Variants in SPATA7 observed in about 807,000 individuals in gnomAD.
The protein encoded by SPATA7 is spermatogenesis associated 7.
A neutral mutation model predicts 51.8 loss-of-function variants in SPATA7; 43 were observed. The ratio of observed to expected loss-of-function variants is 0.83; its 90% CI spans 0.65 to 1.07. The LOEUF (loss-of-function observed/expected upper bound fraction) is 1.07. Ranked by LOEUF, SPATA7 falls within the 50% of genes least tolerant of loss-of-function variation. The pLI, the probability that SPATA7 is intolerant of heterozygous loss-of-function variation, is 0.00. For synonymous variants in SPATA7, 230 were observed against 252.8 expected, an observed-to-expected ratio of 0.91 and a Z score of 0.86; for missense variants, 683 against 701.3, an observed-to-expected ratio of 0.97 and a Z score of 0.30.
At chr14:88,438,935 C>G (rs117637976), downstream of SPATA7, among the ~76,000 whole-genome samples, 36 of 152,244 alleles carry the variant, frequency 2.4e-4, no homozygotes, top group East Asian at 6.8e-3. Context: ...TTACCGTGTT[C>G]TTTTGGGTAG....
chr14:88,411,791 A>G (rs1041646172), intron 4 of SPATA7, among the ~76,000 whole-genome samples: 4 of 151,984 alleles, frequency 2.6e-5, no homozygotes, highest in South Asian at 2.1e-4. Flanking sequence ...TATCTTTGCT[A>G]TTGTGGATAG....
At chr14:88,432,718 CTT>C (rs1435755770) in intron 9 of SPATA7, 1 of 155,390 alleles carries the variant, frequency 6.4e-6, no homozygotes, top group African/African-American at 2.4e-5. Context: ...CCTCTTCCTT[CTT>C]GCAAATGCTT....
intron 1 of SPATA7, among the ~76,000 whole-genome samples, chr14:88,386,672 C>T (rs1248334211): frequency 6.6e-6 from 1 of 152,158 alleles, no homozygotes; most frequent in Admixed American, 6.5e-5. Context: ...CATTTTCACA[C>T]TTTCTGAGCC....
Position 88,385,720 on chromosome 14 carries a change from T to G in SPATA7, c.-99T>G. The G allele has an allele frequency of 8.3e-7, 1 of 1,205,880 alleles. No individual in the cohort carries two copies. The allele number at this position is 1,205,880 out of a possible 1,614,324, so 74.7% of individuals were successfully genotyped here. On this transcript the variant is annotated 5_prime_UTR_variant, in exon 1 of 12. Coordinates refer to ENST00000393545, the MANE Select transcript of SPATA7 (RefSeq NM_018418.5). ...CCCTGCTGCTGCAGCCCCCGTCGGC[T>G]CCTCTTTTCCAGTCCTCCACTGCCG...
chr14:88,422,726 T>G (rs1330580370), intron 5 of SPATA7, among the ~76,000 whole-genome samples: 1 of 151,658 alleles, frequency 6.6e-6, no homozygotes, highest in Non-Finnish European at 1.5e-5. Flanking sequence ...GTTAATTTAT[T>G]ATTTTATCTG....
rs192535638 is a variant in SPATA7, at chr14:88,425,875, T to C, written c.373-357T>C. On this transcript the variant is annotated intron_variant, in intron 5 of 11. Transcript: ENST00000393545. The stretch of plus-strand genomic sequence containing the variant: ...AGGACAGTGAGGATGATGTCACTAA[T>C]AGTGGTTGAGAAGGGCATTGGTGCT... 2.3e-3 allele frequency among the ~76,000 whole-genome samples: 345 copies of C among 152,268 alleles called. 5 individuals carry two copies. The highest frequency in any genetic ancestry group is 9.7e-4 in the Non-Finnish European group (66 of 68,000).
chr14:88,433,334 C>T (rs983460714), intron 10 of SPATA7, 122 bp downstream of exon 10: 22 of 694,520 alleles, frequency 3.2e-5, no homozygotes, highest in Admixed American at 3.0e-4. Context: ...AAATATATTG[C>T]TTTCTTGGAA....
chr14:88,437,479 G>A, intron 10 of SPATA7, 64 bp from the exon 11 acceptor site: 1 of 1,146,134 alleles, frequency 8.7e-7, no homozygotes, highest in South Asian at 1.3e-5. Context: ...GTGTTACGTA[G>A]CTAGTTTATA....
chr14:88,417,600 G>C (rs190271877), intron 5 of SPATA7, among the ~76,000 whole-genome samples: 3 of 152,248 alleles, frequency 2.0e-5, no homozygotes, highest in Non-Finnish European at 4.4e-5. Context: ...GAGCCACTAT[G>C]CTGAGCCTCT....
intron 2 of SPATA7, among the ~76,000 whole-genome samples, chr14:88,392,579 A>G (rs2075772866): frequency 6.6e-6 from 1 of 152,136 alleles, no homozygotes; most frequent in South Asian, 2.1e-4. Context: ...TTATGCACAG[A>G]GTCTCTGGAA....
At chr14:88,444,506 A>G (rs1455778643) in intron 3 of SPATA7, among the ~76,000 whole-genome samples, 8 of 151,152 alleles carry the variant, frequency 5.3e-5, no homozygotes, top group African/African-American at 2.0e-4. Context: ...CCATTTGTCA[A>G]TTTTGGCTTT....
intron 3 of SPATA7, among the ~76,000 whole-genome samples, chr14:88,446,239 C>A (rs2077211462): frequency 6.6e-6 from 1 of 152,108 alleles, no homozygotes; most frequent in Non-Finnish European, 1.5e-5. Context: ...GGAATTTATC[C>A]ATTTCTTCTA....
At position 88,401,389 on chromosome 14, in the gene SPATA7, A is replaced by G. The variant is rs141919094; in HGVS notation, c.238+5186A>G. On this transcript the variant is annotated intron_variant, in intron 4 of 11. Coordinates refer to ENST00000393545, the MANE Select transcript of SPATA7 (RefSeq NM_018418.5). ...TATATATGAAAATCTCACAGGTAAC[A>G]TGATGCTTAATGAAGAAAAACAAAG... is the stretch of plus-strand genomic sequence containing the variant. 3.6e-3 allele frequency among the ~76,000 whole-genome samples: 552 copies of G among 152,370 alleles called. 2 individuals carry two copies. The highest frequency in any genetic ancestry group is 6.1e-3 in the Non-Finnish European group (412 of 68,036).
intron 3 of SPATA7, among the ~76,000 whole-genome samples, chr14:88,451,654 A>G (rs2077252415): frequency 6.6e-6 from 1 of 150,884 alleles, no homozygotes; most frequent in African/African-American, 2.4e-5. Flanking sequence ...CCTCCCCAGT[A>G]GCTGGGATTA....
chr14:88,389,328 T>G (rs1205213265), intron 1 of SPATA7, among the ~76,000 whole-genome samples: 1 of 151,950 alleles, frequency 6.6e-6, no homozygotes, highest in Non-Finnish European at 1.5e-5. Flanking sequence ...CTCAGCCTCC[T>G]GTGTAGCTGG....
chr14:88,459,605 A>T (rs60979266), downstream of SPATA7, among the ~76,000 whole-genome samples: 5,766 of 151,926 alleles, frequency 0.038, 354 homozygotes, highest in African/African-American at 0.13. Context: ...AGCCTATGTG[A>T]GTCTCTGCAT....
chr14:88,433,577 A>G (rs2076995455), intron 10 of SPATA7, among the ~76,000 whole-genome samples: 1 of 152,174 alleles, frequency 6.6e-6, no homozygotes, highest in Non-Finnish European at 1.5e-5. Flanking sequence ...TTTTGGTGCA[A>G]CCATTATTAG....
rs150364664 is a variant in SPATA7, at chr14:88,433,164, T to C, written c.1112T>C (p.Ile371Thr). 2.2e-4 allele frequency: 347 copies of C among 1,611,960 alleles called. No individual in the cohort carries two copies. Among genetic ancestry groups the C allele is most frequent in the Admixed American group, 6.5e-4 (39 of 60,000 alleles). The change falls in exon 10 of 12, where the codon ATT becomes ACT. Residue 371 changes from isoleucine to threonine, a missense_variant. Transcript: ENST00000393545. ...DEEELLYLSF[I>T]EDVTDEILKL... is the part of the protein sequence containing the mutation. Reference sequence around the variant, plus strand: ...GAAGAACTGTTGTATCTGAGTTTCATTGAAGATGTAACAGATGAAATTTTG... The same window carrying C: ...GAAGAACTGTTGTATCTGAGTTTCACTGAAGATGTAACAGATGAAATTTTG...
At chr14:88,387,824 G>C (rs938745687) in intron 1 of SPATA7, among the ~76,000 whole-genome samples, 18 of 152,130 alleles carry the variant, frequency 1.2e-4, no homozygotes, top group African/African-American at 4.3e-4. Context: ...GCTTCCTATG[G>C]GGGAAGGTGA....
Sources: allele counts gnomAD v4.1 joint callset (sites outside exome capture counted in the v4.1 genomes callset), GRCh38; gene constraint gnomAD v4.1.1; transcripts MANE v1.5; gene names NCBI Gene and HGNC (gene_info 2026-07-23, HGNC 2026-07-21).